The following CASK variants were observed in gnomAD, a reference collection of about 807,000 sequenced individuals.
CASK encodes calcium/calmodulin dependent serine protein kinase.
CASK carries 4 observed loss-of-function variants against 82.9 expected under a neutral mutation model. The ratio of observed to expected loss-of-function variants is 0.05; its 90% CI spans 0.02 to 0.11. CASK has a LOEUF of 0.11. Ranked by LOEUF, CASK falls within the 10% of genes least tolerant of loss-of-function variation. The probability of loss-of-function intolerance (pLI) is 1.00; values close to 1 mark genes in which losing one functional copy is unlikely to be tolerated. For synonymous variants in CASK, 259 were observed against 253.5 expected, an observed-to-expected ratio of 1.02 and a Z score of -0.20; for missense variants, 358 against 720.9, an observed-to-expected ratio of 0.50 and a Z score of 5.76.
chrX:41,682,807 G>A lies in CASK; in HGVS notation c.430-11277C>T, dbSNP rs150317428. 8.5e-3 allele frequency among the ~76,000 whole-genome samples: 935 copies of A among 109,849 alleles called. 11 individuals are homozygous for A. The highest frequency in any genetic ancestry group is 0.03 in the African/African-American group (900 of 30,190). On this transcript the variant is annotated intron_variant, in intron 5 of 26. Coordinates refer to ENST00000378163, the MANE Select transcript of CASK (RefSeq NM_001367721.1). ...AAAACATTTTTTGGGGGGTTAGAGT[G>A]TCTCGTTATGTTGCCCAGGCTCATC...
At chrX:41,650,457 T>G (rs867366221) in intron 8 of CASK, among the ~76,000 whole-genome samples, 1 of 103,477 alleles carries the variant, frequency 9.7e-6, no homozygotes, top group Admixed American at 1.0e-4. Context: ...GGTTTTTTTT[T>G]GTTTTTTTTT....
chrX:41,876,713 A>G (rs1295813914), intron 1 of CASK, among the ~76,000 whole-genome samples: 2 of 112,465 alleles, frequency 1.8e-5, no homozygotes, highest in Non-Finnish European at 3.8e-5. Flanking sequence ...CACATTTATT[A>G]AAGTGAATTT....
chrX:41,759,968 G>T (rs1462621878), intron 3 of CASK, among the ~76,000 whole-genome samples: 1 of 110,995 alleles, frequency 9.0e-6, no homozygotes, highest in African/African-American at 3.3e-5. Context: ...TTGCTTAAAT[G>T]ATCAAGAGCT....
At chrX:41,812,542 C>A (rs1254400561) in intron 2 of CASK, among the ~76,000 whole-genome samples, 1 of 111,239 alleles carries the variant, frequency 9.0e-6, no homozygotes, top group Non-Finnish European at 1.9e-5. Context: ...ATTCAACAGC[C>A]CTTCATGCTA....
intron 15 of CASK, 122 bp from the exon 16 acceptor site, chrX:41,569,868 T>C: frequency 4.1e-6 from 2 of 487,919 alleles, no homozygotes; most frequent in Non-Finnish European, 3.5e-6. Flanking sequence ...AAAGAAAATA[T>C]GGAAAATGGA....
chrX:41,687,995 T>C (rs1602465598), intron 5 of CASK, among the ~76,000 whole-genome samples: 1 of 96,583 alleles, frequency 1.0e-5, no homozygotes, highest in Admixed American at 1.1e-4. Flanking sequence ...AAAGTTAAGA[T>C]GGTAAATTTA....
chrX:41,854,228 A>ACG (rs1461780926), intron 1 of CASK, among the ~76,000 whole-genome samples: 13 of 91,070 alleles, frequency 1.4e-4, no homozygotes, highest in Non-Finnish European at 2.5e-4. Context: ...GCGCGCGCAC[A>ACG]CACACACACA....
At chrX:41,878,166 TA>T (rs758826227) in intron 1 of CASK, among the ~76,000 whole-genome samples, 1,501 of 97,670 alleles carry the variant, frequency 0.015, 11 homozygotes, top group African/African-American at 0.023. Context: ...AAAATATTCT[TA>T]AAAAAAAAAA....
intron 2 of CASK, among the ~76,000 whole-genome samples, chrX:41,833,841 T>C (rs993985290): frequency 9.0e-6 from 1 of 111,721 alleles, no homozygotes; most frequent in Non-Finnish European, 1.9e-5. Context: ...CTCGACTTCC[T>C]GGGCTCAGGC....
intron 9 of CASK, among the ~76,000 whole-genome samples, chrX:41,633,606 A>C (rs6651764): frequency 9.5e-6 from 1 of 105,583 alleles, no homozygotes; most frequent in East Asian, 2.9e-4. Flanking sequence ...CTTTTTTTTT[A>C]TTTTTTTTTA....
chrX:41,833,498 G>A (rs5918260), intron 2 of CASK, among the ~76,000 whole-genome samples: 18,822 of 110,488 alleles, frequency 0.17, 1,440 homozygotes, highest in Middle Eastern at 0.3. Context: ...AAAATAGTGG[G>A]TGTCTATGAA....
rs781436731 is a variant in CASK at position 41,710,060 on chromosome X, C to T, written c.429+29324G>A. Among the ~76,000 whole-genome samples, 34 of 99,780 alleles carry T rather than the reference C, an allele frequency of 3.4e-4. 2 individuals carry two copies. The South Asian group carries it at 0.011, about 34-fold the overall frequency. 86.6% of individuals were successfully genotyped at this position (99,780 alleles called of 115,157 possible). A position where few individuals can be genotyped will look rare whatever the true frequency, so the allele number is the denominator to read the frequency against. Reference sequence around the variant, plus strand: ...CTAAATCTCACTGCAATCCAAGTCACTGTTTCCCAGGGTATAGATTTTGTG... The same window carrying T: ...CTAAATCTCACTGCAATCCAAGTCATTGTTTCCCAGGGTATAGATTTTGTG... On this transcript the variant is annotated intron_variant, in intron 5 of 26. Transcript: ENST00000378163.
chrX:41,772,183 T>A (rs2069255334), intron 3 of CASK, among the ~76,000 whole-genome samples: 1 of 107,974 alleles, frequency 9.3e-6, no homozygotes, highest in African/African-American at 3.4e-5. Context: ...AAACCCCGTC[T>A]CTACTAAAAA....
Position 41,866,861 on chromosome X carries a change from G to T in CASK, c.60-13634C>A, listed in dbSNP as rs558225913. Among the ~76,000 whole-genome samples the T allele has an allele frequency of 3.6e-4, 40 of 111,337 alleles. No individual in the cohort carries two copies. In the South Asian group the frequency reaches 0.015, roughly 42 times the overall value. On this transcript the variant is annotated intron_variant, in intron 1 of 26. Transcript: ENST00000378163. The stretch of plus-strand genomic sequence containing the variant: ...GAATTTTAGGGTCTCAAACAACGAT[G>T]TTTCTCAATCTTTTGGGGTTTGATG...
At chrX:41,578,634 G>A in intron 14 of CASK, 106 bp from the exon 15 acceptor site, 2 of 592,537 alleles carry the variant, frequency 3.4e-6, no homozygotes, top group Non-Finnish European at 5.3e-6. Flanking sequence ...TGTCACCCAG[G>A]GTGCAGTGCA....
chrX:41,594,355 C>A (rs1009049391), intron 12 of CASK, among the ~76,000 whole-genome samples: 4 of 112,117 alleles, frequency 3.6e-5, no homozygotes, highest in African/African-American at 1.3e-4. Flanking sequence ...TGCACCCTCC[C>A]TCATACAAAG....
chrX:41,544,161 GT>G (rs776025907), intron 21 of CASK, among the ~76,000 whole-genome samples: 1 of 112,458 alleles, frequency 8.9e-6, no homozygotes, highest in South Asian at 3.6e-4. Flanking sequence ...CTTCTACTCT[GT>G]GGTTTGCCTT....
chrX:41,872,219 T>C (rs765820276), intron 1 of CASK, among the ~76,000 whole-genome samples: 1 of 112,913 alleles, frequency 8.9e-6, no homozygotes, highest in Non-Finnish European at 1.9e-5. Flanking sequence ...AACAAGGTTG[T>C]CCACCCCTCA....
intron 3 of CASK, among the ~76,000 whole-genome samples, chrX:41,749,628 C>A (rs1198476210): frequency 9.2e-6 from 1 of 108,675 alleles, no homozygotes; most frequent in East Asian, 2.9e-4. Flanking sequence ...CTCAAGTGAT[C>A]TGCTCACCTC....
Sources: allele counts gnomAD v4.1 joint callset (sites outside exome capture counted in the v4.1 genomes callset), GRCh38; gene constraint gnomAD v4.1.1; transcripts MANE v1.5; gene names NCBI Gene and HGNC (gene_info 2026-07-23, HGNC 2026-07-21).